NALF1: variants seen among roughly 807,000 people sequenced by gnomAD.
NALF1 encodes the protein NALCN channel auxiliary factor 1.
Under a neutral mutation model 48.4 loss-of-function variants are expected in NALF1, and 3 were observed. The ratio of observed to expected loss-of-function variants is 0.06; its 90% confidence interval spans 0.03 to 0.16. The LOEUF (loss-of-function observed/expected upper bound fraction) is 0.16, where lower values mean the gene tolerates loss of function less well. Ranked by LOEUF, NALF1 falls within the 10% of genes least tolerant of loss-of-function variation. NALF1 has a pLI of 1.00. For missense variants in NALF1, 526 were observed against 571.5 expected (o/e 0.92, Z 0.81); for synonymous variants, 262 against 245.7 (o/e 1.07, Z -0.62).
intron 1 of NALF1, among the ~76,000 whole-genome samples, chr13:107,528,160 A>C (rs73596714): frequency 4.7e-4 from 72 of 152,280 alleles, no homozygotes; most frequent in African/African-American, 1.7e-3. Flanking sequence ...TAATCTGGAC[A>C]GTAATACCAT....
In NALF1 at chr13:107,594,338, T is replaced by C. The variant is rs540663073; in HGVS notation, c.915+271344A>G. On this transcript the variant is annotated intron_variant, in intron 1 of 2. Transcript: ENST00000375915. ...GATGAATTGATTTATGAATAACACATAAATAAATGCTTTACATCAATTTGA... is the reference window on the plus strand; with the variant it reads ...GATGAATTGATTTATGAATAACACACAAATAAATGCTTTACATCAATTTGA... 4.7e-4 allele frequency among the ~76,000 whole-genome samples: 72 copies of C among 152,158 alleles called. 1 individual carries two copies. Among genetic ancestry groups the C allele is most frequent in the African/African-American group, 1.4e-3 (57 of 41,558 alleles).
intron 1 of NALF1, among the ~76,000 whole-genome samples, chr13:107,325,888 A>ATATATATATG (rs1566485854): frequency 2.6e-5 from 1 of 39,198 alleles, no homozygotes; most frequent in African/African-American, 5.7e-5. Flanking sequence ...ATATATATAT[A>ATATATATATG]CACACACACA....
intron 1 of NALF1, among the ~76,000 whole-genome samples, chr13:107,271,814 A>ATATATT (rs1374366280): frequency 0.014 from 1,389 of 101,526 alleles, 26 homozygotes; most frequent in African/African-American, 0.022. Flanking sequence ...ATATATATAT[A>ATATATT]TATTTATATA....
intron 1 of NALF1, among the ~76,000 whole-genome samples, chr13:107,719,455 G>A (rs1875920721): frequency 1.3e-5 from 2 of 151,694 alleles, no homozygotes. Context: ...TTTTTCCACT[G>A]ACACAATCGT....
intron 1 of NALF1, among the ~76,000 whole-genome samples, chr13:107,713,685 G>A (rs1566454103): frequency 6.6e-6 from 1 of 152,148 alleles, no homozygotes; most frequent in African/African-American, 2.4e-5. Context: ...AAACCATGTA[G>A]TATGAAGGCA....
rs543113609 is a variant in NALF1, at chr13:107,850,502, G to A, written c.915+15180C>T. Among the ~76,000 whole-genome samples the A allele has an allele frequency of 1.6e-4, 24 of 152,232 alleles. No individual in the cohort carries two copies. In the South Asian group the frequency reaches 4.6e-3, roughly 29 times the overall value. ...ACGAAAAGCCGAATCATGGCCATTA[G>A]GGATTCAGTTTCTTCCAGTAACAGC... On this transcript the variant is annotated intron_variant, in intron 1 of 2. Transcript: ENST00000375915.
At chr13:107,828,267 C>A (rs376178889) in intron 1 of NALF1, among the ~76,000 whole-genome samples, 1 of 152,230 alleles carries the variant, frequency 6.6e-6, no homozygotes, top group South Asian at 2.1e-4. Flanking sequence ...TTATTGTTAT[C>A]TGGCCCATAT....
At chr13:107,348,522 C>T (rs979497986) in intron 1 of NALF1, among the ~76,000 whole-genome samples, 3 of 151,986 alleles carry the variant, frequency 2.0e-5, no homozygotes, top group Non-Finnish European at 2.9e-5. Flanking sequence ...GCTTGCTGCA[C>T]CTATCAACCT....
intron 1 of NALF1, among the ~76,000 whole-genome samples, chr13:107,802,702 C>T (rs1878657811): frequency 6.6e-6 from 1 of 151,794 alleles, no homozygotes; most frequent in Non-Finnish European, 1.5e-5. Context: ...CAGCATGATG[C>T]TTAGTAGAGA....
intron 1 of NALF1, among the ~76,000 whole-genome samples, chr13:107,615,449 A>C (rs1441110005): frequency 6.6e-6 from 1 of 152,156 alleles, no homozygotes; most frequent in Non-Finnish European, 1.5e-5. Flanking sequence ...CAAACCCTGC[A>C]TGAATTCACA....
chr13:107,418,946 C>T (rs986329565), intron 1 of NALF1, among the ~76,000 whole-genome samples: 10 of 152,040 alleles, frequency 6.6e-5, no homozygotes, highest in South Asian at 2.1e-4. Context: ...TTACCTGAGA[C>T]GGAGAAGAAA....
intron 1 of NALF1, among the ~76,000 whole-genome samples, chr13:107,577,448 G>T (rs1490890905): frequency 1.3e-5 from 2 of 151,008 alleles, no homozygotes; most frequent in African/African-American, 4.9e-5. Flanking sequence ...AGGAACATAG[G>T]TTTGGGAGAG....
chr13:107,519,054 C>T (rs1876153078), intron 1 of NALF1, among the ~76,000 whole-genome samples: 1 of 152,132 alleles, frequency 6.6e-6, no homozygotes, highest in African/African-American at 2.4e-5. Context: ...GGAACTTGCG[C>T]AAGGGCATAA....
At chr13:107,644,626 TATACATAC>T (rs1029539115) in intron 1 of NALF1, among the ~76,000 whole-genome samples, 1 of 124,832 alleles carries the variant, frequency 8.0e-6, no homozygotes, top group Admixed American at 8.8e-5. Flanking sequence ...TGTGTGTGTG[TATACATAC>T]ATACATACAT....
intron 1 of NALF1, among the ~76,000 whole-genome samples, chr13:107,500,430 C>T (rs563995188): frequency 2.0e-5 from 3 of 151,834 alleles, no homozygotes; most frequent in African/African-American, 7.3e-5. Context: ...GTTAGAATGG[C>T]AATCATTAAA....
chr13:107,224,200 C>A (rs1880054099), intron 1 of NALF1, among the ~76,000 whole-genome samples: 1 of 151,696 alleles, frequency 6.6e-6, no homozygotes, highest in South Asian at 2.1e-4. Flanking sequence ...AATGGCAGCA[C>A]CCAGTTTTAT....
chr13:107,746,172 A>T (rs1876774845), intron 1 of NALF1, among the ~76,000 whole-genome samples: 1 of 152,216 alleles, frequency 6.6e-6, no homozygotes, highest in Non-Finnish European at 1.5e-5. Context: ...TAAAGTGAAG[A>T]TATAAAAATA....
chr13:107,708,721 AT>A (rs372506478), intron 1 of NALF1, among the ~76,000 whole-genome samples: 200 of 107,640 alleles, frequency 1.9e-3, no homozygotes, highest in African/African-American at 6.5e-3. Flanking sequence ...CTCTTTATTT[AT>A]TTTTTTTTTC....
intron 1 of NALF1, among the ~76,000 whole-genome samples, chr13:107,338,857 G>T (rs545605185): frequency 6.6e-6 from 1 of 152,244 alleles, no homozygotes; most frequent in African/African-American, 2.4e-5. Context: ...TGACGGCCGG[G>T]AGCTGTGGCT....
Sources: gnomAD v4.1 joint callset for allele counts (sites outside exome capture counted in the v4.1 genomes callset) on GRCh38, gnomAD v4.1.1 for gene constraint, MANE v1.5 for transcripts, NCBI Gene and HGNC (gene_info 2026-07-23, HGNC 2026-07-21) for gene names.